PON2: variants seen among roughly 807,000 people sequenced by gnomAD.
PON2 encodes serum paraoxonase/arylesterase 2.
In PON2, 27 loss-of-function variants were observed where a neutral mutation model predicts 36.6. That is an observed-to-expected ratio of 0.74 (90% confidence interval 0.54 to 1.02). The LOEUF (loss-of-function observed/expected upper bound fraction) is 1.02. PON2 is among the 50% of genes least tolerant of loss of function. The pLI is 0.00. For synonymous variants in PON2, 149 were observed against 156.3 expected, an observed-to-expected ratio of 0.95 and a Z score of 0.35; for missense variants, 363 against 421.1, an observed-to-expected ratio of 0.86 and a Z score of 1.21.
rs1562788872 is a variant in PON2, at chr7:95,417,727, C to CACACACACACACACACT, written c.146-1431_146-1430insAGTGTGTGTGTGTGTGT. On this transcript the variant is annotated intron_variant, in intron 2 of 8. Transcript: ENST00000222572. ...CACACACACACACACACACACACAC[C>CACACACACACACACACT]GAGAGAGAATTCTAGTCCAGGTTTT... Among the ~76,000 whole-genome samples, 120 of 80,264 alleles carry CACACACACACACACACT rather than the reference C, an allele frequency of 1.5e-3. 2 individuals carry two copies. Among genetic ancestry groups the CACACACACACACACACT allele is most frequent in the African/African-American group, 6.2e-3 (115 of 18,668 alleles). 52.7% of individuals were successfully genotyped at this position (80,264 alleles called of 152,430 possible).
At chr7:95,421,740 G>T (rs2237586) in intron 2 of PON2, among the ~76,000 whole-genome samples, 36,719 of 152,004 alleles carry the variant, frequency 0.24, 4,846 homozygotes, top group South Asian at 0.35. Flanking sequence ...TGAAAAAAAG[G>T]AGAAAGAACA....
At chr7:95,427,689 C>A (rs552929032) in intron 1 of PON2, among the ~76,000 whole-genome samples, 2 of 152,250 alleles carry the variant, frequency 1.3e-5, no homozygotes, top group African/African-American at 4.8e-5. Context: ...TATTGGGTCA[C>A]CCACAGAGCT....
intron 3 of PON2, among the ~76,000 whole-genome samples, chr7:95,413,333 C>T (rs1788984647): frequency 6.6e-6 from 1 of 152,024 alleles, no homozygotes; most frequent in Non-Finnish European, 1.5e-5. Flanking sequence ...TCTTTTCTAT[C>T]TCACATTTCT....
chr7:95,411,693 G>C lies in PON2; in HGVS notation c.454C>G (p.Leu152Val). ...IFKFEEAENS[L>V]LHLKTVKHEL... ...TGTTTGACTGTTTTCAGATGCAACA[G>C]AGAATTTTCTGCTTCTTCAAATTTA... Residue 152 changes from leucine (L) to valine (V), a missense_variant, in exon 5 of 9, where the codon CTG becomes GTG. By Grantham distance (32) the Leu-to-Val change is conservative. Coordinates refer to ENST00000222572, the MANE Select transcript of PON2 (RefSeq NM_000305.3). 1.2e-6 allele frequency: 2 copies of C among 1,613,952 alleles called. No individual in the cohort carries two copies. The highest frequency in any genetic ancestry group is 1.3e-5 in the African/African-American group (1 of 75,014).
In PON2 at chr7:95,410,092, G is replaced by A. The variant is rs1400999315; in HGVS notation, c.504C>T (p.Asp168=). The change falls in exon 6 of 9, where the codon GAC becomes GAT. Residue 168 remains aspartate (D), a synonymous_variant. Transcript: ENST00000222572. ...VKHELLPSVN[D]ITAVGPAHFY... ...AATGTGCCGGTCCAACAGCTGTGATGTCATTCACACTGAAAAAGAAAAATA... is the reference window on the plus strand; with the variant it reads ...AATGTGCCGGTCCAACAGCTGTGATATCATTCACACTGAAAAAGAAAAATA... 23 of 1,613,006 alleles carry A rather than the reference G, an allele frequency of 1.4e-5. No individual in the cohort carries two copies. The Middle Eastern group carries it at 4.9e-4, about 35-fold the overall frequency.
intron 8 of PON2, 82 bp downstream of exon 8, chr7:95,406,037 A>G (rs1809677746): frequency 6.7e-7 from 1 of 1,482,088 alleles, no homozygotes; most frequent in African/African-American, 1.4e-5. Context: ...TAACTAAACA[A>G]ATCATCCCTG....
At position 95,434,984 on chromosome 7, in the gene PON2, G is replaced by A; in HGVS notation, c.-33C>T. ...GAGCCGGGCGCGCTGCCTCGCTCCG[G>A]CCTGGCCAGCAGCTCCGTGGGCGGT... On this transcript the variant is annotated 5_prime_UTR_variant, in exon 1 of 9. Coordinates refer to ENST00000222572, the MANE Select transcript of PON2 (RefSeq NM_000305.3). 3 of 1,510,812 alleles carry A rather than the reference G, an allele frequency of 2.0e-6. No individual in the cohort carries two copies. Among genetic ancestry groups the A allele is most frequent in the Non-Finnish European group, 2.6e-6 (3 of 1,135,636 alleles). 93.6% of individuals were successfully genotyped at this position (1,510,812 alleles called of 1,614,324 possible).
intron 2 of PON2, among the ~76,000 whole-genome samples, chr7:95,420,691 G>C (rs1344662104): frequency 2.0e-5 from 3 of 152,294 alleles, no homozygotes; most frequent in Middle Eastern, 3.4e-3. Flanking sequence ...TGGGAATCAA[G>C]GGCAAGGGGG....
chr7:95,405,787 A>C (rs1277261240), intron 8 of PON2, among the ~76,000 whole-genome samples: 4 of 152,204 alleles, frequency 2.6e-5, no homozygotes, highest in Admixed American at 1.3e-4. Context: ...CTTCAACATG[A>C]ACAAATATCA....
intron 3 of PON2, among the ~76,000 whole-genome samples, chr7:95,414,504 A>G (rs1252073040): frequency 6.6e-6 from 1 of 152,214 alleles, no homozygotes; most frequent in African/African-American, 2.4e-5. Flanking sequence ...CTGTAGATTT[A>G]TGTGTTTGGA....
chr7:95,427,035 A>G (rs886766604), intron 1 of PON2, among the ~76,000 whole-genome samples: 3 of 152,206 alleles, frequency 2.0e-5, no homozygotes, highest in Admixed American at 2.0e-4. Context: ...ATCTTCATCA[A>G]CTAGTTTTCT....
intron 6 of PON2, among the ~76,000 whole-genome samples, chr7:95,408,952 C>T (rs1188597858): frequency 6.6e-6 from 1 of 152,138 alleles, no homozygotes; most frequent in Non-Finnish European, 1.5e-5. Flanking sequence ...TTAGCCAGTG[C>T]CCTGGGTGGG....
chr7:95,416,265 T>G lies in PON2; in HGVS notation c.178A>C (p.Asn60His). 6.2e-7 allele frequency: 1 copy of G among 1,613,412 alleles called. No homozygotes were observed. Residue 60 changes from asparagine (N) to histidine (H), a missense_variant, in exon 3 of 9, where the codon AAT becomes CAT. Physicochemically the swap from Asn to His is moderately conservative, Grantham distance 68 (BLOSUM62 1). Coordinates refer to ENST00000222572, the MANE Select transcript of PON2 (RefSeq NM_000305.3). Reference protein sequence around the residue: ...AGSEDIDILPNGLAFFSVGLK... With the variant: ...AGSEDIDILPHGLAFFSVGLK... ...ACCACACTAAAAAAAGCCAGACCATTGGGAAGTATGTCAATATCTTCAGAG... is the reference window on the plus strand; with the variant it reads ...ACCACACTAAAAAAAGCCAGACCATGGGGAAGTATGTCAATATCTTCAGAG...
intron 1 of PON2, 32 bp from the exon 2 acceptor site, chr7:95,424,617 A>C: frequency 6.4e-7 from 1 of 1,558,040 alleles, no homozygotes; most frequent in Non-Finnish European, 8.8e-7. Context: ...AAAAAACAAA[A>C]AACTATTTGT....
intron 2 of PON2, among the ~76,000 whole-genome samples, chr7:95,418,821 C>G (rs1045549386): frequency 6.6e-6 from 1 of 152,134 alleles, no homozygotes; most frequent in Non-Finnish European, 1.5e-5. Context: ...CCCTCCCCTT[C>G]ATCGGTTCTC....
chr7:95,422,426 C>A (rs1316482902), intron 2 of PON2, among the ~76,000 whole-genome samples: 1 of 152,062 alleles, frequency 6.6e-6, no homozygotes, highest in Admixed American at 6.6e-5. Flanking sequence ...CATTTTATAT[C>A]TTTCTATATT....
Position 95,410,022 on chromosome 7 carries a change from A to G in PON2, c.574T>C (p.Tyr192His). 6.2e-7 allele frequency: 1 copy of G among 1,613,504 alleles called. No homozygotes were observed. The highest frequency in any genetic ancestry group is 8.5e-7 in the Non-Finnish European group (1 of 1,179,514). Residue 192 changes from tyrosine to histidine, a missense_variant, in exon 6 of 9, where the codon TAT becomes CAT. Tyr to His is a moderately conservative substitution (Grantham distance 83). Transcript: ENST00000222572. The stretch of plus-strand genomic sequence containing the variant: ...TGTAAGTTCAAGTATGTTTCTAAAT[A>G]CTTTAAGAAAGGATCAGAGAAGTAG... ...DHYFSDPFLK[Y>H]LETYLNLHWA... is the part of the protein sequence containing the mutation.
chr7:95,417,105 G>A (rs965176362), intron 2 of PON2, among the ~76,000 whole-genome samples: 1 of 152,134 alleles, frequency 6.6e-6, no homozygotes, highest in Non-Finnish European at 1.5e-5. Context: ...GCCAAACCAT[G>A]ACACATTCTT....
chr7:95,434,037 G>T (rs773103022), intron 1 of PON2, among the ~76,000 whole-genome samples: 4 of 152,136 alleles, frequency 2.6e-5, no homozygotes, highest in Non-Finnish European at 5.9e-5. Context: ...AGTCTTTCTG[G>T]AACTCTTTTG....
Sources: gnomAD v4.1 joint callset for allele counts (sites outside exome capture counted in the v4.1 genomes callset) on GRCh38, gnomAD v4.1.1 for gene constraint, MANE v1.5 for transcripts, NCBI Gene and HGNC (gene_info 2026-07-23, HGNC 2026-07-21) for gene names.